KAZN: variants seen among roughly 807,000 people sequenced by gnomAD.
KAZN encodes kazrin, periplakin interacting protein, also known as kazrin.
Under a neutral mutation model 87.4 loss-of-function variants are expected in KAZN, and 40 were observed. The ratio of observed to expected loss-of-function variants is 0.46; its 90% confidence interval spans 0.36 to 0.60. KAZN has a LOEUF of 0.60. KAZN is among the 20% of genes least tolerant of loss of function. The probability of loss-of-function intolerance (pLI) is 0.00; values close to 1 mark genes in which losing one functional copy is unlikely to be tolerated. For synonymous variants in KAZN, 466 were observed against 458.3 expected (o/e 1.02, Z -0.22); for missense variants, 898 against 1,073.9 (o/e 0.84, Z 2.29).
chr1:14,030,666 AC>A (rs1641287154), intron 1 of KAZN, among the ~76,000 whole-genome samples: 2 of 151,696 alleles, frequency 1.3e-5, no homozygotes, highest in Non-Finnish European at 2.9e-5. Context: ...ACACACACAC[AC>A]ACACACACAC....
chr1:14,340,704 C>G (rs567973905), intron 2 of KAZN, among the ~76,000 whole-genome samples: 1 of 152,100 alleles, frequency 6.6e-6, no homozygotes, highest in Non-Finnish European at 1.5e-5. Flanking sequence ...ATGGAAGTCC[C>G]GTGGAAGGAG....
chr1:14,918,009 G>T (rs971229685), intron 1 of KAZN, among the ~76,000 whole-genome samples: 3 of 152,206 alleles, frequency 2.0e-5, no homozygotes, highest in African/African-American at 7.2e-5. Context: ...CTCCCGAGTA[G>T]CTGGGATTAC....
intron 2 of KAZN, among the ~76,000 whole-genome samples, chr1:14,581,820 C>T (rs1342694457): frequency 1.3e-5 from 2 of 152,186 alleles, no homozygotes; most frequent in Non-Finnish European, 2.9e-5. Flanking sequence ...GGTCTCTACT[C>T]AATGTCACCT....
chr1:14,647,846 C>T (rs1204363592), intron 1 of KAZN, among the ~76,000 whole-genome samples: 2 of 152,188 alleles, frequency 1.3e-5, no homozygotes, highest in African/African-American at 4.8e-5. Flanking sequence ...TAAAGGTCAA[C>T]TCTGCAGGAA....
Position 15,104,160 on chromosome 1 carries a change from G to A in KAZN, c.2019G>A (p.Glu673=). Residue 673 remains glutamate (E), a synonymous_variant, in exon 13 of 15, where the codon GAG becomes GAA. Transcript: ENST00000376030. ...GKHILRRHLA[E]EMSAVFHPAN... Reference sequence around the variant, plus strand: ...ACATCCTCCGGAGACACCTGGCAGAGGAGATGAGCGCCGTCTTCCACCCAG... The same window carrying A: ...ACATCCTCCGGAGACACCTGGCAGAAGAGATGAGCGCCGTCTTCCACCCAG... 6.3e-7 allele frequency: 1 copy of A among 1,595,782 alleles called. No homozygotes were observed. Among genetic ancestry groups the A allele is most frequent in the South Asian group, 1.1e-5 (1 of 87,656 alleles).
chr1:14,885,208 C>A (rs566401163), intron 1 of KAZN, among the ~76,000 whole-genome samples: 1 of 152,280 alleles, frequency 6.6e-6, no homozygotes, highest in South Asian at 2.1e-4. Context: ...CTTGTATTAA[C>A]CAGGAGTCCA....
chr1:14,515,551 C>T (rs978782971), intron 2 of KAZN, among the ~76,000 whole-genome samples: 8 of 152,180 alleles, frequency 5.3e-5, no homozygotes, highest in Non-Finnish European at 8.8e-5. Flanking sequence ...CCCCTCCATC[C>T]TTCTCCTGTT....
intron 1 of KAZN, among the ~76,000 whole-genome samples, chr1:14,113,138 C>T (rs2101678348): frequency 6.6e-6 from 1 of 152,336 alleles, no homozygotes; most frequent in South Asian, 2.1e-4. Context: ...TTCCTGCCCA[C>T]CCCTTCCTCA....
At chr1:14,122,556 C>G (rs1419200791) in intron 1 of KAZN, among the ~76,000 whole-genome samples, 2 of 152,194 alleles carry the variant, frequency 1.3e-5, no homozygotes, top group Non-Finnish European at 2.9e-5. Flanking sequence ...CCTGACCCAG[C>G]TCACATAGTT....
rs529586912 is a variant in KAZN at position 15,050,968 on chromosome 1, G to A, written c.727-5123G>A. ...AGATCTGTGAAAGAGGGTCCCAGCC[G>A]GCTTCCCCCCAAGGAGAAGAACTTA... is the stretch of plus-strand genomic sequence containing the variant. On this transcript the variant is annotated intron_variant, in intron 4 of 14. Transcript: ENST00000376030. 5.6e-4 allele frequency among the ~76,000 whole-genome samples: 86 copies of A among 152,328 alleles called. 1 individual carries two copies. The South Asian group carries it at 0.01, about 18-fold the overall frequency.
intron 1 of KAZN, among the ~76,000 whole-genome samples, chr1:14,043,998 T>G (rs1442302798): frequency 6.6e-6 from 1 of 152,182 alleles, no homozygotes; most frequent in Non-Finnish European, 1.5e-5. Context: ...GTGTCTCTCA[T>G]GCAGTTGGAC....
At chr1:14,356,625 G>T (rs1238964233) in intron 2 of KAZN, among the ~76,000 whole-genome samples, 2 of 152,154 alleles carry the variant, frequency 1.3e-5, no homozygotes, top group Admixed American at 6.5e-5. Context: ...AAGGGGTCCA[G>T]TTTCAGTTTT....
chr1:14,841,651 C>T (rs1224821994), intron 1 of KAZN, among the ~76,000 whole-genome samples: 1 of 152,184 alleles, frequency 6.6e-6, no homozygotes, highest in Non-Finnish European at 1.5e-5. Context: ...GTCACATTGG[C>T]TTAACATCAG....
At chr1:14,470,605 A>G (rs540949731) in intron 2 of KAZN, among the ~76,000 whole-genome samples, 1 of 152,144 alleles carries the variant, frequency 6.6e-6, no homozygotes, top group East Asian at 1.9e-4. Context: ...GAGAGGATAT[A>G]TTTTTCTTCT....
intron 1 of KAZN, among the ~76,000 whole-genome samples, chr1:13,951,043 C>T (rs1234289130): frequency 1.3e-5 from 2 of 152,176 alleles, no homozygotes; most frequent in Non-Finnish European, 2.9e-5. Context: ...TTCCTTTCAG[C>T]CTTTTTTCTT....
intron 1 of KAZN, among the ~76,000 whole-genome samples, chr1:13,978,154 C>T (rs1638465236): frequency 8.5e-6 from 1 of 117,932 alleles, no homozygotes; most frequent in Admixed American, 8.9e-5. Flanking sequence ...AAAAAAAAGG[C>T]AATTGTTGGA....
At chr1:14,611,933 T>C (rs1166348266) in intron 1 of KAZN, among the ~76,000 whole-genome samples, 2 of 152,188 alleles carry the variant, frequency 1.3e-5, no homozygotes, top group Admixed American at 6.5e-5. Context: ...GCTGTTATAA[T>C]GCAAAAGCAG....
chr1:15,032,174 A>T (rs1193710874), intron 2 of KAZN, among the ~76,000 whole-genome samples: 2 of 140,000 alleles, frequency 1.4e-5, no homozygotes, highest in Non-Finnish European at 3.0e-5. Context: ...CCCATTGTGG[A>T]CATTTCTTTT....
intron 2 of KAZN, among the ~76,000 whole-genome samples, chr1:14,257,702 T>G (rs1324323032): frequency 6.9e-6 from 1 of 144,216 alleles, no homozygotes; most frequent in East Asian, 2.1e-4. Flanking sequence ...TAGCCAGTTT[T>G]CCCAGCACCA....
Sources: allele counts gnomAD v4.1 joint callset (sites outside exome capture counted in the v4.1 genomes callset), GRCh38; gene constraint gnomAD v4.1.1; transcripts MANE v1.5; gene names NCBI Gene and HGNC (gene_info 2026-07-23, HGNC 2026-07-21).